The following KLHDC1 variants were observed in gnomAD, a reference collection of about 807,000 sequenced individuals.
KLHDC1 encodes kelch domain-containing protein 1.
A neutral mutation model predicts 68.3 loss-of-function variants in KLHDC1; 53 were observed. That is an observed-to-expected ratio of 0.78 (90% CI 0.62 to 0.98). The LOEUF (loss-of-function observed/expected upper bound fraction) is 0.98. Ranked by LOEUF, KLHDC1 falls within the 50% of genes least tolerant of loss-of-function variation. KLHDC1 has a pLI of 0.00. For missense variants in KLHDC1, 470 were observed against 492.3 expected (o/e 0.95, Z 0.43); for synonymous variants, 148 against 159.0 (o/e 0.93, Z 0.52).
chr14:49,751,530 T>G, intron 12 of KLHDC1, 56 bp from the exon 13 acceptor site: 1 of 786,494 alleles, frequency 1.3e-6, no homozygotes, highest in Non-Finnish European at 1.9e-6. Flanking sequence ...ACTATAAATA[T>G]TTTATATTAT....
intron 4 of KLHDC1, among the ~76,000 whole-genome samples, chr14:49,714,292 T>G (rs1490623706): frequency 6.6e-6 from 1 of 150,718 alleles, no homozygotes; most frequent in Non-Finnish European, 1.5e-5. Flanking sequence ...GCCAGCATAG[T>G]GAAACCCTGT....
intron 4 of KLHDC1, among the ~76,000 whole-genome samples, chr14:49,713,243 C>T (rs1345497137): frequency 2.0e-5 from 3 of 152,076 alleles, no homozygotes; most frequent in South Asian, 2.1e-4. Flanking sequence ...CATGAGCTAC[C>T]GCGCCCAGCC....
At chr14:49,702,558 A>C (rs1178269053) in intron 1 of KLHDC1, among the ~76,000 whole-genome samples, 2 of 152,164 alleles carry the variant, frequency 1.3e-5, no homozygotes, top group Admixed American at 6.6e-5. Context: ...ACCTTTCTCT[A>C]TTTGTGGTAT....
At chr14:49,736,881 G>A (rs1888941860) in intron 10 of KLHDC1, among the ~76,000 whole-genome samples, 1 of 152,200 alleles carries the variant, frequency 6.6e-6, no homozygotes, top group African/African-American at 2.4e-5. Flanking sequence ...ATTGCCCCTG[G>A]TTGAGAACGA....
intron 10 of KLHDC1, among the ~76,000 whole-genome samples, 168 bp from the exon 11 acceptor site, chr14:49,739,930 C>T (rs144264230): frequency 1.3e-5 from 2 of 152,232 alleles, no homozygotes; most frequent in African/African-American, 4.8e-5. Flanking sequence ...TTAATGAACT[C>T]TAGAGGAATC....
Position 49,752,854 on chromosome 14 carries a change from G to A in KLHDC1, c.*1082G>A, listed in dbSNP as rs997098319. 1 of 151,708 alleles carries A rather than the reference G, an allele frequency of 6.6e-6. No homozygotes were observed. The highest frequency in any genetic ancestry group is 2.4e-5 in the African/African-American group (1 of 41,318). The allele number at this position is 151,708 out of a possible 1,614,324, so 9.4% of individuals were successfully genotyped here. On this transcript the variant is annotated 3_prime_UTR_variant, in exon 13 of 13. Transcript: ENST00000359332. ...TTACAATTAATTACTAAAAAGCTTG[G>A]TATGTAAAATTATTCTCCACAATAT...
intron 4 of KLHDC1, among the ~76,000 whole-genome samples, chr14:49,713,847 TA>T (rs1330175571): frequency 4.7e-5 from 2 of 42,854 alleles, no homozygotes; most frequent in African/African-American, 2.4e-4. Flanking sequence ...TATATATATA[TA>T]TATTTTTTTT....
intron 7 of KLHDC1, 49 bp from the exon 8 acceptor site, chr14:49,729,441 C>G: frequency 8.0e-7 from 1 of 1,245,458 alleles, no homozygotes; most frequent in South Asian, 1.2e-5. Flanking sequence ...AAAATTTTAG[C>G]TGATAAAAGA....
At chr14:49,746,308 T>C (rs1181846389) in intron 12 of KLHDC1, among the ~76,000 whole-genome samples, 2 of 152,102 alleles carry the variant, frequency 1.3e-5, no homozygotes, top group African/African-American at 4.8e-5. Context: ...TTCATAATCA[T>C]TGGAGAATTA....
At chr14:49,726,252 G>A (rs1395856154) in intron 6 of KLHDC1, among the ~76,000 whole-genome samples, 1 of 152,114 alleles carries the variant, frequency 6.6e-6, no homozygotes, top group Non-Finnish European at 1.5e-5. Flanking sequence ...ACCGTAGATG[G>A]CACTTGTAGT....
intron 5 of KLHDC1, 64 bp from the exon 6 acceptor site, chr14:49,725,621 TA>T: frequency 1.1e-6 from 1 of 882,360 alleles, no homozygotes; most frequent in Non-Finnish European, 1.8e-6. Flanking sequence ...AAATATGTGA[TA>T]AAACTGTAAT....
In KLHDC1 at chr14:49,709,797, G is replaced by T; in HGVS notation, c.256G>T (p.Gly86Ter). 1 of 1,596,754 alleles carries T rather than the reference G, an allele frequency of 6.3e-7. No homozygotes were observed. The highest frequency in any genetic ancestry group is 8.5e-7 in the Non-Finnish European group (1 of 1,171,166). ...CINGKLYIFG[G>*]YDDKGYSNRL... ...TAATGGAAAGCTGTACATTTTTGGA[G>T]GATATGATGACAAAGGATACAGCAA... The change falls in exon 3 of 13, where the codon GGA (glycine) becomes TGA (stop). Residue 86 changes from glycine to a stop codon, truncating the protein, a stop_gained. Coordinates refer to ENST00000359332, the MANE Select transcript of KLHDC1 (RefSeq NM_172193.3). LOFTEE classifies it high-confidence loss of function.
chr14:49,706,747 T>C (rs568378179), intron 1 of KLHDC1, among the ~76,000 whole-genome samples: 1 of 152,338 alleles, frequency 6.6e-6, no homozygotes, highest in East Asian at 1.9e-4. Flanking sequence ...GTTGAGCACC[T>C]TTTCCTATGC....
At chr14:49,731,253 T>C (rs904886763) in intron 8 of KLHDC1, among the ~76,000 whole-genome samples, 1 of 152,068 alleles carries the variant, frequency 6.6e-6, no homozygotes, top group African/African-American at 2.4e-5. Context: ...GCACTCCAGC[T>C]TGGGAAACGA....
At chr14:49,701,970 A>G (rs953030283) in intron 1 of KLHDC1, among the ~76,000 whole-genome samples, 2 of 152,126 alleles carry the variant, frequency 1.3e-5, no homozygotes, top group African/African-American at 4.8e-5. Flanking sequence ...GGAGTGGGAG[A>G]CCAGCCTCAC....
intron 4 of KLHDC1, among the ~76,000 whole-genome samples, chr14:49,711,986 C>T (rs1001513714): frequency 1.5e-5 from 2 of 135,342 alleles, no homozygotes; most frequent in African/African-American, 5.5e-5. Flanking sequence ...GGTGCCATCT[C>T]GGCTCACTGT....
intron 4 of KLHDC1, among the ~76,000 whole-genome samples, chr14:49,712,315 T>C (rs1043300678): frequency 6.6e-6 from 1 of 152,198 alleles, no homozygotes; most frequent in African/African-American, 2.4e-5. Flanking sequence ...AAAGAAACCA[T>C]GTCATTTGGC....
At position 49,741,781 on chromosome 14, in the gene KLHDC1, G is replaced by A. The variant is rs568918650; in HGVS notation, c.981+1599G>A. Among the ~76,000 whole-genome samples the A allele has an allele frequency of 9.9e-5, 15 of 152,140 alleles. 1 individual carries two copies. Among genetic ancestry groups the A allele is most frequent in the South Asian group, 4.1e-4 (2 of 4,820 alleles). On this transcript the variant is annotated intron_variant, in intron 11 of 12. Coordinates refer to ENST00000359332, the MANE Select transcript of KLHDC1 (RefSeq NM_172193.3). ...CACCCTGGGAAATTCAGAGCAGGGC[G>A]GCCATATTTATACACTATACACAAT... is the stretch of plus-strand genomic sequence containing the variant.
intron 1 of KLHDC1, among the ~76,000 whole-genome samples, chr14:49,698,980 C>G (rs534046464): frequency 6.6e-6 from 1 of 150,998 alleles, no homozygotes; most frequent in Non-Finnish European, 1.5e-5. Context: ...CTGGCTAACT[C>G]GGCGAAACCC....
Sources: allele counts gnomAD v4.1 joint callset (sites outside exome capture counted in the v4.1 genomes callset), GRCh38; gene constraint gnomAD v4.1.1; transcripts MANE v1.5; gene names NCBI Gene and HGNC (gene_info 2026-07-23, HGNC 2026-07-21).